Variants in TIMD4 observed in about 807,000 individuals in gnomAD.
TIMD4 encodes the protein T cell immunoglobulin and mucin domain containing 4.
Under a neutral mutation model 41.2 loss-of-function variants are expected in TIMD4, and 31 were observed. The ratio of observed to expected loss-of-function variants is 0.75; its 90% CI spans 0.57 to 1.01. The LOEUF (loss-of-function observed/expected upper bound fraction) is 1.01. Among genes scored for constraint, TIMD4 ranks in the 50% least tolerant of loss-of-function variants. TIMD4 has a pLI of 0.00. For missense variants in TIMD4, 479 were observed against 472.5 expected (o/e 1.01, Z -0.13); for synonymous variants, 204 against 177.1 (o/e 1.15, Z -1.21).
In TIMD4 at chr5:156,936,932, GA is replaced by G. The variant is rs979433463; in HGVS notation, c.845-10621del. ...GGGTAAGAGAGCGAGACTCCGTCTG[GA>G]AAAAAAAAAAAAAAAAAAGGAAATG... On this transcript the variant is annotated intron_variant, in intron 5 of 8. Coordinates refer to ENST00000274532, the MANE Select transcript of TIMD4 (RefSeq NM_138379.3). 4.3e-3 allele frequency among the ~76,000 whole-genome samples: 401 copies of G among 92,618 alleles called. 2 individuals carry two copies. The highest frequency in any genetic ancestry group is 0.012 in the Middle Eastern group (2 of 162). 60.8% of individuals were successfully genotyped at this position (92,618 alleles called of 152,430 possible).
chr5:156,941,085 AT>A (rs1759643137), intron 5 of TIMD4, among the ~76,000 whole-genome samples: 1 of 152,160 alleles, frequency 6.6e-6, no homozygotes, highest in Non-Finnish European at 1.5e-5. Context: ...GCGGTGCAAG[AT>A]GTGCTTTGTT....
intron 6 of TIMD4, among the ~76,000 whole-genome samples, chr5:156,923,143 ATTTTTTTTT>A (rs375276732): frequency 1.5e-5 from 2 of 135,048 alleles, no homozygotes; most frequent in Non-Finnish European, 3.2e-5. Flanking sequence ...CTGGGATTAA[ATTTTTTTTT>A]TTTTTTTTTT....
rs747038780 is a variant in TIMD4, at chr5:156,954,509, G to A, written c.306C>T (p.Pro102=). Residue 102 remains proline, a synonymous_variant, in exon 2 of 9, where the codon CCC becomes CCT. Transcript: ENST00000274532. ...AGTACACACCGCTGTCACTTTCACT[G>A]GGGTTTAAGATGGTCAAGGAGACAT... ...RGDVSLTILN[P]SESDSGVYCC... 2.5e-6 allele frequency: 4 copies of A among 1,614,130 alleles called. No individual in the cohort carries two copies. The East Asian group carries it at 8.9e-5, about 36-fold the overall frequency.
At position 156,953,653 on chromosome 5, in the gene TIMD4, CAAAAAAAAA is replaced by C. The variant is rs35165963; in HGVS notation, c.400+753_400+761del. ...TGGGCAACAAGAGCAAAACTCTGTC[CAAAAAAAAA>C]AAAAAAAAAAAAAGAGAGAGAGAGA... On this transcript the variant is annotated intron_variant, in intron 2 of 8. Transcript: ENST00000274532. Among the ~76,000 whole-genome samples the C allele has an allele frequency of 4.9e-3, 289 of 58,490 alleles. 3 individuals carry two copies. Among genetic ancestry groups the C allele is most frequent in the African/African-American group, 0.017 (268 of 15,762 alleles). The allele number at this position is 58,490 out of a possible 152,430, so 38.4% of individuals were successfully genotyped here.
At chr5:156,956,044 C>T (rs2113392859) in intron 1 of TIMD4, among the ~76,000 whole-genome samples, 1 of 152,298 alleles carries the variant, frequency 6.6e-6, no homozygotes. Context: ...CTGTGGTCAC[C>T]ATGCAGTGCA....
chr5:156,956,146 C>T (rs770933669), intron 1 of TIMD4, among the ~76,000 whole-genome samples: 5 of 152,072 alleles, frequency 3.3e-5, no homozygotes, highest in Non-Finnish European at 7.4e-5. Flanking sequence ...CACTCACCCA[C>T]CCCCCAGCCT....
At position 156,922,085 on chromosome 5, in the gene TIMD4, C is replaced by T. The variant is rs879614790; in HGVS notation, c.1012+14G>A. On this transcript the variant is annotated intron_variant, in intron 7 of 8. Coordinates refer to ENST00000274532, the MANE Select transcript of TIMD4 (RefSeq NM_138379.3). ...GGTTCTGAAGTGCTCCATCACCTGGCCCTCCCTCCTTACCTCTCAGGAGAA... is the reference window on the plus strand; with the variant it reads ...GGTTCTGAAGTGCTCCATCACCTGGTCCTCCCTCCTTACCTCTCAGGAGAA... The T allele has an allele frequency of 4.4e-6, 7 of 1,606,212 alleles. No individual in the cohort carries two copies. The highest frequency in any genetic ancestry group is 6.0e-6 in the Non-Finnish European group (7 of 1,174,094).
At chr5:156,943,975 G>A (rs888620636) in intron 5 of TIMD4, among the ~76,000 whole-genome samples, 3 of 151,320 alleles carry the variant, frequency 2.0e-5, no homozygotes, top group African/African-American at 4.9e-5. Context: ...CAGGAAAATC[G>A]CTTGAACCCA....
At chr5:156,944,075 A>T (rs1027570107) in intron 5 of TIMD4, among the ~76,000 whole-genome samples, 21 of 144,698 alleles carry the variant, frequency 1.5e-4, no homozygotes, top group African/African-American at 5.8e-4. Context: ...AAAAAAAAAG[A>T]AATAAAGAAA....
intron 1 of TIMD4, among the ~76,000 whole-genome samples, chr5:156,955,700 T>C (rs967366779): frequency 1.3e-5 from 2 of 152,094 alleles, no homozygotes. Flanking sequence ...CAGAGAGTGC[T>C]ATGAGAGAAA....
intron 4 of TIMD4, among the ~76,000 whole-genome samples, chr5:156,949,287 C>A (rs557884549): frequency 1.2e-4 from 19 of 152,268 alleles, no homozygotes; most frequent in African/African-American, 4.6e-4. Flanking sequence ...AGAAGATTTG[C>A]GTGCATGAAA....
chr5:156,922,639 G>T (rs1759265026), intron 6 of TIMD4, among the ~76,000 whole-genome samples: 2 of 152,296 alleles, frequency 1.3e-5, no homozygotes, highest in East Asian at 1.9e-4. Context: ...TCTAGATGGG[G>T]GGCCCATGAG....
rs550308148 is a variant in TIMD4 at position 156,926,450 on chromosome 5, T to C, written c.845-138A>G. 3.8e-6 allele frequency: 3 copies of C among 789,026 alleles called. No individual in the cohort carries two copies. In the African/African-American group the frequency reaches 5.3e-5, roughly 14 times the overall value. The allele number at this position is 789,026 out of a possible 1,614,324, so 48.9% of individuals were successfully genotyped here. A position where few individuals can be genotyped will look rare whatever the true frequency, so the allele number is the denominator to read the frequency against. On this transcript the variant is annotated intron_variant, in intron 5 of 8. Transcript: ENST00000274532. ...ATTTAATCCCGTGTTTTTTGTATAA[T>C]CTATTTATGCATATTTGTTTTGATA...
At chr5:156,945,001 AC>A (rs1469022143) in intron 5 of TIMD4, among the ~76,000 whole-genome samples, 1 of 152,208 alleles carries the variant, frequency 6.6e-6, no homozygotes, top group Non-Finnish European at 1.5e-5. Context: ...TCAGCCCACA[AC>A]CACAGAAGCT....
chr5:156,946,829 A>G (rs1022095287), intron 5 of TIMD4, among the ~76,000 whole-genome samples: 6 of 151,926 alleles, frequency 3.9e-5, no homozygotes, highest in Non-Finnish European at 8.8e-5. Context: ...TCCTTCACAG[A>G]ATTAAATGAT....
intron 6 of TIMD4, chr5:156,924,576 C>A (rs1483882266): frequency 3.5e-6 from 1 of 282,516 alleles, no homozygotes; most frequent in African/African-American, 2.2e-5. Context: ...TTATCCACAG[C>A]AAGCCATCGA....
chr5:156,940,218 G>T (rs542220359), intron 5 of TIMD4, among the ~76,000 whole-genome samples: 91 of 152,326 alleles, frequency 6.0e-4, no homozygotes, highest in African/African-American at 2.1e-3. Context: ...TCGGCCTCCC[G>T]AGGTGCCGGG....
At chr5:156,925,083 T>C (rs1432847201) in intron 6 of TIMD4, among the ~76,000 whole-genome samples, 1 of 152,034 alleles carries the variant, frequency 6.6e-6, no homozygotes, top group Non-Finnish European at 1.5e-5. Context: ...CCAAGATGGG[T>C]GGACCACTTG....
At chr5:156,932,233 A>G (rs1759455943) in intron 5 of TIMD4, among the ~76,000 whole-genome samples, 1 of 152,238 alleles carries the variant, frequency 6.6e-6, no homozygotes, top group Non-Finnish European at 1.5e-5. Flanking sequence ...CTCAAATGTG[A>G]CTTTTCAATG....
Sources: gnomAD v4.1 joint callset for allele counts (sites outside exome capture counted in the v4.1 genomes callset) on GRCh38, gnomAD v4.1.1 for gene constraint, MANE v1.5 for transcripts, NCBI Gene and HGNC (gene_info 2026-07-23, HGNC 2026-07-21) for gene names.